Variants in MTCL1 observed in about 807,000 individuals in gnomAD.
MTCL1 encodes the protein microtubule cross-linking factor 1.
In MTCL1, 79 loss-of-function variants were observed where a neutral mutation model predicts 141.4. The observed-to-expected ratio is 0.56, with a 90% CI of 0.47 to 0.67. The LOEUF is 0.67. Ranked by LOEUF, MTCL1 falls within the 30% of genes least tolerant of loss-of-function variation. The pLI, the probability that MTCL1 is intolerant of heterozygous loss-of-function variation, is 0.00. For missense variants in MTCL1, 2,177 were observed against 2,113.9 expected (o/e 1.03, Z -0.59); for synonymous variants, 914 against 875.8 (o/e 1.04, Z -0.77).
exon 3 of MTCL1, chr18:8,718,501 G>A: frequency 6.2e-7 from 1 of 1,614,202 alleles, no homozygotes; most frequent in Non-Finnish European, 8.5e-7. Flanking sequence ...ACCAGCTGCA[G>A]GAACTTCGGC....
chr18:8,711,093 T>G (rs1159044715), intron 1 of MTCL1, among the ~76,000 whole-genome samples: 2 of 126,290 alleles, frequency 1.6e-5, no homozygotes, highest in African/African-American at 6.0e-5. Context: ...CCTGTGTCCA[T>G]GTGATCTCAT....
At chr18:8,734,681 T>G (rs2096267286) in intron 4 of MTCL1, among the ~76,000 whole-genome samples, 1 of 152,176 alleles carries the variant, frequency 6.6e-6, no homozygotes, top group South Asian at 2.1e-4. Flanking sequence ...TCACTTTTAC[T>G]GAGGTGGTGA....
At chr18:8,780,347 C>T (rs1366487258) in intron 5 of MTCL1, among the ~76,000 whole-genome samples, 1 of 152,262 alleles carries the variant, frequency 6.6e-6, no homozygotes, top group Non-Finnish European at 1.5e-5. Context: ...GGCTCCACCA[C>T]ATCAAGGCCT....
chr18:8,764,633 C>G (rs1000029746), intron 4 of MTCL1, among the ~76,000 whole-genome samples: 3 of 152,122 alleles, frequency 2.0e-5, no homozygotes, highest in Admixed American at 6.6e-5. Flanking sequence ...CCCCGCCCCC[C>G]ACTTTTAAAT....
exon 15 of MTCL1, chr18:8,825,066 G>A (rs775736544): frequency 8.1e-6 from 13 of 1,612,426 alleles, no homozygotes; most frequent in South Asian, 3.3e-5. Flanking sequence ...CGTCCTCACC[G>A]AGCAGTCGGG....
At chr18:8,783,548 A>T in exon 6 of MTCL1, 1 of 1,603,042 alleles carries the variant, frequency 6.2e-7, no homozygotes, top group Non-Finnish European at 8.5e-7. Flanking sequence ...TGCCGATTTG[A>T]GGTGCCAGCT....
Position 8,810,711 on chromosome 18 carries a change from T to A in MTCL1, c.2605-2268T>A, listed in dbSNP as rs2076454938. On this transcript the variant is annotated intron_variant, in intron 11 of 16. Transcript: ENST00000359865. This position sits in a 1 kb window ranked among gnomAD's most constrained non-coding sequence, Gnocchi z 5.0. ...GGTGCTTTTCTGGTAGTCTTCTGGT[T>A]AACTAACACTGGAGGTTTCTCCCCT... Among the ~76,000 whole-genome samples, 1 of 152,204 alleles carries A rather than the reference T, an allele frequency of 6.6e-6. No homozygotes were observed. The highest frequency in any genetic ancestry group is 6.5e-5 in the Admixed American group (1 of 15,282).
intron 10 of MTCL1, among the ~76,000 whole-genome samples, chr18:8,804,725 T>G (rs2076233886): frequency 6.6e-6 from 1 of 152,226 alleles, no homozygotes; most frequent in African/African-American, 2.4e-5. Context: ...CTGGGCACGG[T>G]GGCTCATGCC....
chr18:8,786,814 C>T, intron 7 of MTCL1: 1 of 171,490 alleles, frequency 5.8e-6, no homozygotes, highest in Non-Finnish European at 1.3e-5. Context: ...ATAGAGAATG[C>T]AATGTCTTGC....
chr18:8,743,754 A>G (rs986005957), intron 4 of MTCL1, among the ~76,000 whole-genome samples: 1 of 152,232 alleles, frequency 6.6e-6, no homozygotes, highest in Non-Finnish European at 1.5e-5. Flanking sequence ...GGGTCCACCT[A>G]CATAATGCAG....
intron 16 of MTCL1, chr18:8,829,290 C>T: frequency 1.0e-6 from 1 of 985,428 alleles, no homozygotes; most frequent in African/African-American, 1.7e-5. Flanking sequence ...ACATCCTAGG[C>T]ACAGGGGTCT....
chr18:8,720,150 C>A, intron 3 of MTCL1, 188 bp from the exon 3 acceptor site: 1 of 580,108 alleles, frequency 1.7e-6, no homozygotes. Context: ...CCTTTTAGCC[C>A]AGATGTTGAT....
At chr18:8,776,992 T>C (rs1460896249) in intron 4 of MTCL1, among the ~76,000 whole-genome samples, 1 of 152,106 alleles carries the variant, frequency 6.6e-6, no homozygotes, top group African/African-American at 2.4e-5. Flanking sequence ...CCCAGCACTT[T>C]GGGAGGCTGA....
Position 8,756,389 on chromosome 18 carries a change from GTA to G in MTCL1, c.358-21438_358-21437del, listed in dbSNP as rs1298523809. On this transcript the variant is annotated intron_variant, in intron 4 of 16. Coordinates refer to ENST00000359865, the Ensembl canonical transcript of MTCL1. ...TATATGTGTATATATGTATATATGT[GTA>G]TATATGTATATATGTGTGTATATGT... Among the ~76,000 whole-genome samples the G allele has an allele frequency of 3.4e-5, 5 of 147,748 alleles. No individual in the cohort carries two copies. In the South Asian group the frequency reaches 1.1e-3, roughly 31 times the overall value.
intron 4 of MTCL1, among the ~76,000 whole-genome samples, chr18:8,755,890 T>G (rs1025311143): frequency 6.6e-6 from 1 of 152,154 alleles, no homozygotes; most frequent in African/African-American, 2.4e-5. Flanking sequence ...CTGTAATCCC[T>G]GCACTTTGGG....
rs2096057354 is a variant in MTCL1, at chr18:8,705,985, G to A, written c.325G>A (p.Asp109Asn). Residue 109 changes from aspartate (D) to asparagine (N), a missense_variant, in exon 1 of 14, where the codon GAC (aspartate) becomes AAC (asparagine). Transcript: ENST00000306329. The surrounding 1 kb of genome is among the most constrained non-coding windows in gnomAD (Gnocchi z 5.2). ...CAGTGGCGGCGTCCCGGGCGCGAAG[G>A]ACAAGCCCCCGCCGGGCGCCGGGGC... 3.5e-6 allele frequency: 4 copies of A among 1,143,734 alleles called. No individual in the cohort carries two copies. The highest frequency in any genetic ancestry group is 3.2e-6 in the Non-Finnish European group (3 of 933,138). The allele number at this position is 1,143,734 out of a possible 1,614,324, so 70.8% of individuals were successfully genotyped here. A position where few individuals can be genotyped will look rare whatever the true frequency, so the allele number is the denominator to read the frequency against.
chr18:8,738,158 C>T (rs985123689), intron 4 of MTCL1, among the ~76,000 whole-genome samples: 5 of 152,092 alleles, frequency 3.3e-5, no homozygotes, highest in African/African-American at 7.2e-5. Context: ...TTCCTCTCAC[C>T]GCAAAGCTTA....
chr18:8,827,213 C>A (rs555962528), intron 15 of MTCL1, among the ~76,000 whole-genome samples: 1 of 152,212 alleles, frequency 6.6e-6, no homozygotes, highest in Admixed American at 6.5e-5. Context: ...CTGGTCTGCC[C>A]GCTGCTTCCT....
chr18:8,766,276 T>TC (rs1460647688), intron 4 of MTCL1, among the ~76,000 whole-genome samples: 2 of 152,170 alleles, frequency 1.3e-5, no homozygotes, highest in Non-Finnish European at 2.9e-5. Context: ...TCCATCATCC[T>TC]CCATGTAGCG....
Sources: gnomAD v4.1 joint callset for allele counts (sites outside exome capture counted in the v4.1 genomes callset) on GRCh38, gnomAD v4.1.1 for gene constraint, Gnocchi (gnomAD v3.1) non-coding constraint, MANE v1.5 for transcripts, NCBI Gene and HGNC (gene_info 2026-07-23, HGNC 2026-07-21) for gene names.